Variants in TRMT1L observed in about 807,000 individuals in gnomAD.
TRMT1L encodes the protein tRNA (guanine(27)-N(2))-dimethyltransferase.
Under a neutral mutation model 81.6 loss-of-function variants are expected in TRMT1L, and 28 were observed. That is an observed-to-expected ratio of 0.34 (90% CI 0.25 to 0.47). The LOEUF (loss-of-function observed/expected upper bound fraction) is 0.47, where lower values mean the gene tolerates loss of function less well. Among genes scored for constraint, TRMT1L ranks in the 20% least tolerant of loss-of-function variants. TRMT1L has a pLI of 1.00. For missense variants in TRMT1L, 739 were observed against 877.1 expected (o/e 0.84, Z 1.99); for synonymous variants, 301 against 303.2 (o/e 0.99, Z 0.07).
intron 3 of TRMT1L, among the ~76,000 whole-genome samples, chr1:185,148,771 G>C (rs958257154): frequency 1.3e-5 from 2 of 152,036 alleles, no homozygotes; most frequent in Admixed American, 1.3e-4. Flanking sequence ...TTCTTATATA[G>C]AACTAAACTT....
chr1:185,122,629 A>G (rs1261091074), intron 13 of TRMT1L, among the ~76,000 whole-genome samples: 1 of 151,628 alleles, frequency 6.6e-6, no homozygotes, highest in African/African-American at 2.4e-5. Flanking sequence ...AATGGGAGGG[A>G]CCTGGCTGAG....
At chr1:185,123,087 T>C (rs1652539206) in intron 13 of TRMT1L, among the ~76,000 whole-genome samples, 1 of 152,236 alleles carries the variant, frequency 6.6e-6, no homozygotes, top group Non-Finnish European at 1.5e-5. Context: ...TAGTTGAAGA[T>C]GCCAAATGAA....
chr1:185,127,721 T>C (rs1205961793), intron 11 of TRMT1L, among the ~76,000 whole-genome samples: 1 of 138,720 alleles, frequency 7.2e-6, no homozygotes, highest in Non-Finnish European at 1.5e-5. Context: ...ATAGTGCCAT[T>C]GCACTCCAGG....
rs1258862465 is a variant in TRMT1L at position 185,119,061 on chromosome 1, TA to T, written c.*957del. On this transcript the variant is annotated 3_prime_UTR_variant, in exon 15 of 15. Transcript: ENST00000367506. ...AGGAAACAATATTTTTTTTTTCAAC[TA>T]ATTTTTATAGTTACATCAGCCTGGG... 6.6e-6 allele frequency: 1 copy of T among 152,048 alleles called. No homozygotes were observed. Among genetic ancestry groups the T allele is most frequent in the Non-Finnish European group, 1.5e-5 (1 of 67,994 alleles). 9.4% of individuals were successfully genotyped at this position (152,048 alleles called of 1,614,324 possible).
At chr1:185,133,602 T>G (rs1652825851) in intron 10 of TRMT1L, among the ~76,000 whole-genome samples, 1 of 151,960 alleles carries the variant, frequency 6.6e-6, no homozygotes, top group South Asian at 2.1e-4. Context: ...CTTGCTTTTT[T>G]TTTTTTTTTT....
intron 10 of TRMT1L, among the ~76,000 whole-genome samples, chr1:185,136,440 GA>G (rs1652902428): frequency 6.6e-6 from 1 of 152,036 alleles, no homozygotes; most frequent in Admixed American, 6.6e-5. Flanking sequence ...GAAAGCGCTA[GA>G]GGAAACTAAA....
intron 5 of TRMT1L, 64 bp from the exon 6 acceptor site, chr1:185,144,093 A>G: frequency 7.0e-7 from 1 of 1,422,124 alleles, no homozygotes; most frequent in Non-Finnish European, 9.5e-7. Flanking sequence ...AAAGATTTCC[A>G]AGAAAACACA....
intron 10 of TRMT1L, among the ~76,000 whole-genome samples, chr1:185,136,193 A>G (rs1214108609): frequency 2.6e-5 from 4 of 152,068 alleles, no homozygotes; most frequent in African/African-American, 9.7e-5. Flanking sequence ...GCAGATTACT[A>G]CAGGTCAGGA....
chr1:185,152,006 G>T, intron 1 of TRMT1L, 71 bp from the exon 2 acceptor site: 1 of 906,008 alleles, frequency 1.1e-6, no homozygotes, highest in Non-Finnish European at 1.6e-6. Flanking sequence ...TGATCACATC[G>T]TATAGAAGTT....
intron 12 of TRMT1L, among the ~76,000 whole-genome samples, chr1:185,124,226 T>C (rs188777812): frequency 2.0e-4 from 31 of 152,348 alleles, no homozygotes; most frequent in Non-Finnish European, 2.9e-5. Flanking sequence ...ATAAATGTAG[T>C]TTCTGTGTCT....
intron 11 of TRMT1L, among the ~76,000 whole-genome samples, chr1:185,126,065 G>A (rs1652620801): frequency 6.6e-6 from 1 of 152,066 alleles, no homozygotes; most frequent in Non-Finnish European, 1.5e-5. Context: ...TGATAAACTG[G>A]ATTCCAATCC....
rs762377407 is a variant in TRMT1L at position 185,119,364 on chromosome 1, T to G, written c.*655A>C. On this transcript the variant is annotated 3_prime_UTR_variant, in exon 15 of 15. Transcript: ENST00000367506. ...TATTAGATTAATGGTCTCAATTTAT[T>G]CTGACAAAATCTTACTTTGAAGTTT... 2.6e-5 allele frequency: 4 copies of G among 152,214 alleles called. No individual in the cohort carries two copies. The highest frequency in any genetic ancestry group is 3.2e-3 in the Middle Eastern group (1 of 316). 9.4% of individuals were successfully genotyped at this position (152,214 alleles called of 1,614,324 possible).
intron 5 of TRMT1L, 110 bp downstream of exon 5, chr1:185,145,329 A>G (rs927545470): frequency 7.3e-6 from 9 of 1,231,484 alleles, no homozygotes; most frequent in Non-Finnish European, 1.0e-5. Flanking sequence ...AGTGAACTAA[A>G]TCATTTGGTT....
intron 9 of TRMT1L, among the ~76,000 whole-genome samples, chr1:185,138,015 T>C (rs528547698): frequency 1.3e-5 from 2 of 152,314 alleles, no homozygotes; most frequent in African/African-American, 4.8e-5. Flanking sequence ...CTTCAGTTTC[T>C]AGACATTTTC....
At chr1:185,138,173 T>C (rs1156592543) in intron 9 of TRMT1L, among the ~76,000 whole-genome samples, 1 of 152,198 alleles carries the variant, frequency 6.6e-6, no homozygotes, top group African/African-American at 2.4e-5. Context: ...TATTGAGTAA[T>C]GACTATATGC....
intron 3 of TRMT1L, among the ~76,000 whole-genome samples, chr1:185,148,072 G>A (rs576882030): frequency 6.6e-6 from 1 of 152,126 alleles, no homozygotes; most frequent in African/African-American, 2.4e-5. Flanking sequence ...TTTCTTACTT[G>A]TATATGCTGA....
rs1652439502 is a variant in TRMT1L, at chr1:185,119,358, A to G, written c.*661T>C. On this transcript the variant is annotated 3_prime_UTR_variant, in exon 15 of 15. Coordinates refer to ENST00000367506, the MANE Select transcript of TRMT1L (RefSeq NM_030934.5). ...GTATTATATTAGATTAATGGTCTCA[A>G]TTTATTCTGACAAAATCTTACTTTG... 1 of 152,168 alleles carries G rather than the reference A, an allele frequency of 6.6e-6. No individual in the cohort carries two copies. The highest frequency in any genetic ancestry group is 2.4e-5 in the African/African-American group (1 of 41,452). The allele number at this position is 152,168 out of a possible 1,614,324, so 9.4% of individuals were successfully genotyped here. A position where few individuals can be genotyped will look rare whatever the true frequency, so the allele number is the denominator to read the frequency against.
chr1:185,148,003 T>C (rs1335742654), intron 3 of TRMT1L, among the ~76,000 whole-genome samples: 1 of 152,200 alleles, frequency 6.6e-6, no homozygotes, highest in East Asian at 1.9e-4. Flanking sequence ...CAGTTGCTCT[T>C]AACTCAAAGC....
chr1:185,142,502 C>G (rs1653075803), intron 7 of TRMT1L, among the ~76,000 whole-genome samples: 1 of 152,076 alleles, frequency 6.6e-6, no homozygotes, highest in African/African-American at 2.4e-5. Context: ...CTTTTCTCTA[C>G]TATTAAGTCT....
Sources: allele counts gnomAD v4.1 joint callset (sites outside exome capture counted in the v4.1 genomes callset), GRCh38; gene constraint gnomAD v4.1.1; transcripts MANE v1.5; gene names NCBI Gene and HGNC (gene_info 2026-07-23, HGNC 2026-07-21).